The following GNG2 variants were observed in gnomAD, a reference collection of about 807,000 sequenced individuals.
GNG2 encodes G protein subunit gamma 2, also known as guanine nucleotide-binding protein G(I)/G(S)/G(O) subunit gamma-2.
GNG2 carries 5 observed loss-of-function variants against 5.5 expected under a neutral mutation model. The observed-to-expected ratio is 0.91, with a 90% confidence interval of 0.48 to 1.92. The LOEUF (loss-of-function observed/expected upper bound fraction) is 1.92, where lower values mean the gene tolerates loss of function less well. Among genes scored for constraint, GNG2 ranks in the 30% most tolerant of loss-of-function variants. The probability of loss-of-function intolerance (pLI) is 0.01; values close to 1 mark genes in which losing one functional copy is unlikely to be tolerated. For missense variants in GNG2, 55 were observed against 88.4 expected (o/e 0.62, Z 1.52); for synonymous variants, 28 against 32.0 (o/e 0.88, Z 0.42).
chr14:51,867,270 A>G (rs1882960393), intron 1 of GNG2, among the ~76,000 whole-genome samples: 1 of 152,126 alleles, frequency 6.6e-6, no homozygotes, highest in Non-Finnish European at 1.5e-5. Context: ...TCAGTCCCAA[A>G]TCTGATGAAG....
chr14:51,935,844 G>A (rs1887967954), intron 2 of GNG2, among the ~76,000 whole-genome samples: 2 of 152,008 alleles, frequency 1.3e-5, no homozygotes, highest in African/African-American at 4.8e-5. Flanking sequence ...AGAGAGAGCA[G>A]GAGAGAGAGA....
intron 2 of GNG2, among the ~76,000 whole-genome samples, chr14:51,848,621 G>T (rs1173811538): frequency 6.6e-6 from 1 of 152,138 alleles, no homozygotes; most frequent in Non-Finnish European, 1.5e-5. Context: ...GAGGATGTTT[G>T]TATCAGCCTG....
chr14:51,929,656 C>T (rs904750851), intron 2 of GNG2, among the ~76,000 whole-genome samples: 1 of 152,202 alleles, frequency 6.6e-6, no homozygotes, highest in Admixed American at 6.5e-5. Context: ...CTCCTTCCTC[C>T]TCAGTTTTGG....
At chr14:51,941,131 T>C (rs1223924151) in intron 2 of GNG2, among the ~76,000 whole-genome samples, 1 of 152,136 alleles carries the variant, frequency 6.6e-6, no homozygotes, top group Non-Finnish European at 1.5e-5. Context: ...ATGGATTACT[T>C]ACTTGCTGCA....
intron 2 of GNG2, among the ~76,000 whole-genome samples, chr14:51,906,451 G>A (rs2140190685): frequency 6.6e-6 from 1 of 152,222 alleles, no homozygotes; most frequent in South Asian, 2.1e-4. Context: ...TGGTAAAACT[G>A]GATTAGAATG....
At chr14:51,888,913 A>G (rs1013238022) in intron 2 of GNG2, among the ~76,000 whole-genome samples, 1 of 152,174 alleles carries the variant, frequency 6.6e-6, no homozygotes, top group African/African-American at 2.4e-5. Context: ...GATACATGCT[A>G]CAACATGGAT....
upstream of GNG2, among the ~76,000 whole-genome samples, chr14:51,859,820 A>C (rs1225284379): frequency 6.6e-6 from 1 of 152,106 alleles, no homozygotes; most frequent in Non-Finnish European, 1.5e-5. Context: ...TGTGTGTGGA[A>C]TGGGGAGAGG....
At chr14:51,951,845 T>A (rs757768282) in intron 3 of GNG2, 50 of 700,920 alleles carry the variant, frequency 7.1e-5, no homozygotes, top group Non-Finnish European at 1.2e-4. Flanking sequence ...AGAGACCATA[T>A]GGCCCACAAA....
chr14:51,878,721 T>C lies in GNG2; in HGVS notation c.-30+1064T>C, dbSNP rs183395174. ...AATTTGGACTTTGGATATCTCCAAA[T>C]GAGGTGATCTGTCAGAGATGTACTG... is the stretch of plus-strand genomic sequence containing the variant. On this transcript the variant is annotated intron_variant, in intron 2 of 3. Coordinates refer to ENST00000556766, the MANE Select transcript of GNG2 (RefSeq NM_053064.5). Among the ~76,000 whole-genome samples the C allele has an allele frequency of 2.7e-3, 414 of 152,306 alleles. 2 individuals carry two copies. The highest frequency in any genetic ancestry group is 9.5e-3 in the African/African-American group (394 of 41,572).
chr14:51,919,838 A>G (rs1886903985), intron 2 of GNG2, among the ~76,000 whole-genome samples: 1 of 152,238 alleles, frequency 6.6e-6, no homozygotes, highest in Non-Finnish European at 1.5e-5. Context: ...TTTATTTAAC[A>G]AATTTTAACC....
In GNG2 at chr14:51,969,201, T is replaced by C. The variant is rs1890088972; in HGVS notation, c.*2514T>C. 1 of 152,184 alleles carries C rather than the reference T, an allele frequency of 6.6e-6. No homozygotes were observed. Among genetic ancestry groups the C allele is most frequent in the Non-Finnish European group, 1.5e-5 (1 of 68,028 alleles). 9.4% of individuals were successfully genotyped at this position (152,184 alleles called of 1,614,324 possible). On this transcript the variant is annotated 3_prime_UTR_variant, in exon 4 of 4. Transcript: ENST00000556766. The stretch of plus-strand genomic sequence containing the variant: ...TTAAGGCCCTAGTTTCTACATATAA[T>C]ATATTCGATAGAAATGAAAATCTGC...
chr14:51,844,332 C>T (rs182083535), intron 2 of GNG2, among the ~76,000 whole-genome samples: 152 of 152,304 alleles, frequency 1.0e-3, no homozygotes, highest in African/African-American at 3.5e-3. Flanking sequence ...ATGGTTCAAA[C>T]TCTCTCTCCC....
At chr14:51,866,275 A>G (rs1329463998) in intron 1 of GNG2, among the ~76,000 whole-genome samples, 1 of 152,150 alleles carries the variant, frequency 6.6e-6, no homozygotes, top group African/African-American at 2.4e-5. Context: ...CTCTAGATTC[A>G]CTGCATCTCC....
At chr14:51,850,962 G>T (rs978371057) in intron 2 of GNG2, among the ~76,000 whole-genome samples, 1 of 152,180 alleles carries the variant, frequency 6.6e-6, no homozygotes, top group African/African-American at 2.4e-5. Context: ...GGGAATTACA[G>T]TTCAACATGA....
At chr14:51,867,095 A>T (rs149703269) in intron 1 of GNG2, among the ~76,000 whole-genome samples, 276 of 152,312 alleles carry the variant, frequency 1.8e-3, no homozygotes, top group African/African-American at 6.4e-3. Context: ...TAAGAAGTAG[A>T]TGAAACAAAT....
intron 1 of GNG2, among the ~76,000 whole-genome samples, chr14:51,874,761 G>A (rs1883546736): frequency 6.6e-6 from 1 of 151,842 alleles, no homozygotes. Flanking sequence ...GGTATCCTCT[G>A]AAATGAATAA....
intron 3 of GNG2, chr14:51,952,196 T>A (rs1889016645): frequency 2.9e-6 from 1 of 349,932 alleles, no homozygotes; most frequent in African/African-American, 2.1e-5. Flanking sequence ...CAAATACCCA[T>A]GGACATTTTC....
intron 2 of GNG2, among the ~76,000 whole-genome samples, chr14:51,885,637 T>C (rs924328426): frequency 6.6e-6 from 1 of 151,728 alleles, no homozygotes; most frequent in Non-Finnish European, 1.5e-5. Context: ...AAAAACAAAA[T>C]GTCATTATTA....
rs567916287 is a variant in GNG2 at position 51,838,989 on chromosome 14, G to A, written c.64+11182G>A. On this transcript the variant is annotated intron_variant, in intron 2 of 3. Coordinates refer to the GNG2 transcript ENST00000553432. ...CATGGATGAATCTCCATTACAGTGT[G>A]CTAAGTCAAATAACTCAAGCCCATA... Among the ~76,000 whole-genome samples, 5 of 152,310 alleles carry A rather than the reference G, an allele frequency of 3.3e-5. No individual in the cohort carries two copies. In the South Asian group the frequency reaches 8.3e-4, roughly 25 times the overall value.
Sources: gnomAD v4.1 joint callset for allele counts (sites outside exome capture counted in the v4.1 genomes callset) on GRCh38, gnomAD v4.1.1 for gene constraint, MANE v1.5 for transcripts, NCBI Gene and HGNC (gene_info 2026-07-23, HGNC 2026-07-21) for gene names.